Variants in STPG2 observed in about 807,000 individuals in gnomAD.
STPG2 encodes sperm tail PG-rich repeat containing 2.
A neutral mutation model predicts 54.2 loss-of-function variants in STPG2; 56 were observed. The observed-to-expected ratio is 1.03, with a 90% CI of 0.83 to 1.29. The LOEUF (loss-of-function observed/expected upper bound fraction) is 1.29, where lower values mean the gene tolerates loss of function less well. Ranked by LOEUF, STPG2 falls within the 50% of genes most tolerant of loss-of-function variation. The pLI is 0.00. For missense variants in STPG2, 596 were observed against 544.9 expected (o/e 1.09, Z -0.93); for synonymous variants, 200 against 181.8 (o/e 1.10, Z -0.81).
At chr4:98,133,609 C>G (rs1467901849) in intron 2 of STPG2, among the ~76,000 whole-genome samples, 2 of 151,910 alleles carry the variant, frequency 1.3e-5, no homozygotes, top group Non-Finnish European at 2.9e-5. Flanking sequence ...AAAACACTAA[C>G]AAGTTGAACA....
chr4:97,445,048 A>G (rs1001422647), intron 4 of STPG2, among the ~76,000 whole-genome samples: 1 of 152,156 alleles, frequency 6.6e-6, no homozygotes, highest in African/African-American at 2.4e-5. Context: ...AATAATAATA[A>G]TAACTTAAGT....
intron 5 of STPG2, among the ~76,000 whole-genome samples, chr4:98,033,802 CA>C (rs1288708801): frequency 4.6e-5 from 7 of 152,116 alleles, no homozygotes; most frequent in Non-Finnish European, 8.8e-5. Flanking sequence ...TCAACATAGG[CA>C]AATCAATAAA....
At chr4:97,958,604 G>C (rs953990516) in intron 7 of STPG2, among the ~76,000 whole-genome samples, 5 of 152,124 alleles carry the variant, frequency 3.3e-5, no homozygotes, top group African/African-American at 1.2e-4. Flanking sequence ...TCTTATATCA[G>C]ACAAAACAAA....
At chr4:97,909,277 T>C (rs1289367888) in intron 8 of STPG2, among the ~76,000 whole-genome samples, 2 of 151,920 alleles carry the variant, frequency 1.3e-5, no homozygotes, top group African/African-American at 2.4e-5. Context: ...TGAAAAGAAA[T>C]TGGCAGAAGA....
chr4:97,800,903 C>T lies in STPG2; in HGVS notation c.1204+39870G>A, dbSNP rs1342566615. Among the ~76,000 whole-genome samples the T allele has an allele frequency of 2.0e-5, 3 of 152,184 alleles. No homozygotes were observed. The East Asian group carries it at 5.8e-4, about 29-fold the overall frequency. The stretch of plus-strand genomic sequence containing the variant: ...ATGGCAGGCACCCCTCCCCCAGCCT[C>T]GCTGCCACCTTGCAGTTGGATCTCA... On this transcript the variant is annotated intron_variant, in intron 9 of 10. Transcript: ENST00000295268.
chr4:98,082,124 C>T (rs985965411), intron 5 of STPG2, among the ~76,000 whole-genome samples: 3 of 152,132 alleles, frequency 2.0e-5, no homozygotes, highest in African/African-American at 7.2e-5. Flanking sequence ...AATGCAAACC[C>T]CCTGCAACTA....
chr4:97,986,572 G>T (rs891532510), intron 5 of STPG2, among the ~76,000 whole-genome samples: 2 of 152,172 alleles, frequency 1.3e-5, no homozygotes, highest in Admixed American at 1.3e-4. Context: ...CACATTCATT[G>T]GCAAAGTATA....
At chr4:97,756,188 T>C (rs761693414) in intron 9 of STPG2, among the ~76,000 whole-genome samples, 2 of 152,218 alleles carry the variant, frequency 1.3e-5, no homozygotes, top group African/African-American at 4.8e-5. Context: ...AATGACATCT[T>C]CTACCTTGGT....
chr4:97,545,141 A>G (rs2036965), intron 4 of STPG2, among the ~76,000 whole-genome samples: 8,688 of 152,208 alleles, frequency 0.057, 393 homozygotes, highest in Admixed American at 0.14. Flanking sequence ...CGTTCTGAGA[A>G]GTAAAGCTTG....
At chr4:98,034,392 A>G (rs4699586) in intron 5 of STPG2, among the ~76,000 whole-genome samples, 59,975 of 152,046 alleles carry the variant, frequency 0.39, 12,071 homozygotes, top group Middle Eastern at 0.46. Context: ...AACTTACAAG[A>G]CATGTGAAGT....
At chr4:97,637,025 C>A (rs1370345723) in intron 10 of STPG2, among the ~76,000 whole-genome samples, 1 of 152,160 alleles carries the variant, frequency 6.6e-6, no homozygotes, top group South Asian at 2.1e-4. Flanking sequence ...CAAAGCCGGG[C>A]AGAGACAAAA....
chr4:98,125,616 C>G lies in STPG2; in HGVS notation c.387+2812G>C, dbSNP rs180877322. Among the ~76,000 whole-genome samples the G allele has an allele frequency of 4.2e-3, 644 of 152,226 alleles. 3 individuals are homozygous for G. Among genetic ancestry groups the G allele is most frequent in the South Asian group, 0.025 (121 of 4,822 alleles). On this transcript the variant is annotated intron_variant, in intron 3 of 10. Coordinates refer to ENST00000295268, the MANE Select transcript of STPG2 (RefSeq NM_174952.3). The stretch of plus-strand genomic sequence containing the variant: ...CTCCTGTATGAGGTGTCTGGCAACC[C>G]CTATTGGAAGGTCTCACCCAGACAG...
At chr4:97,918,658 A>G (rs1731979762) in intron 8 of STPG2, among the ~76,000 whole-genome samples, 1 of 152,190 alleles carries the variant, frequency 6.6e-6, no homozygotes, top group Admixed American at 6.5e-5. Flanking sequence ...AAATAATGGC[A>G]TTCACAGCAG....
chr4:98,021,402 G>A (rs1318760540), intron 5 of STPG2, among the ~76,000 whole-genome samples: 1 of 150,176 alleles, frequency 6.7e-6, no homozygotes, highest in African/African-American at 2.5e-5. Context: ...TATAATTTCT[G>A]TTCTTTTACA....
chr4:98,072,057 G>A (rs1738020750), intron 5 of STPG2, among the ~76,000 whole-genome samples: 1 of 152,072 alleles, frequency 6.6e-6, no homozygotes, highest in African/African-American at 2.4e-5. Flanking sequence ...CCCATTACTG[G>A]GTACATACCC....
At chr4:98,074,517 T>G (rs1371404628) in intron 5 of STPG2, among the ~76,000 whole-genome samples, 2 of 152,226 alleles carry the variant, frequency 1.3e-5, no homozygotes, top group African/African-American at 4.8e-5. Context: ...ATCATACTTC[T>G]GTCCCATTCT....
intron 7 of STPG2, among the ~76,000 whole-genome samples, chr4:97,960,052 T>C (rs1320946247): frequency 6.6e-6 from 1 of 152,098 alleles, no homozygotes; most frequent in African/African-American, 2.4e-5. Flanking sequence ...TATATGCAAG[T>C]CAATAATTGT....
intron 8 of STPG2, among the ~76,000 whole-genome samples, chr4:97,914,437 A>G (rs1731798978): frequency 6.6e-6 from 1 of 152,154 alleles, no homozygotes; most frequent in African/African-American, 2.4e-5. Flanking sequence ...TATTGTTGTA[A>G]GACACATAAA....
chr4:98,048,070 C>T (rs1464825853), intron 5 of STPG2, among the ~76,000 whole-genome samples: 1 of 148,482 alleles, frequency 6.7e-6, no homozygotes, highest in African/African-American at 2.5e-5. Flanking sequence ...CCTACTGACT[C>T]AGATGCTAGG....
Sources: allele counts gnomAD v4.1 joint callset (sites outside exome capture counted in the v4.1 genomes callset), GRCh38; gene constraint gnomAD v4.1.1; transcripts MANE v1.5; gene names NCBI Gene and HGNC (gene_info 2026-07-23, HGNC 2026-07-21).